Variants in LSM3 observed in about 807,000 individuals in gnomAD.
LSM3 encodes LSM3 homolog, U6 small nuclear RNA and mRNA degradation associated.
LSM3 carries 14 observed loss-of-function variants against 15.4 expected under a neutral mutation model. The observed-to-expected ratio is 0.91, with a 90% CI of 0.60 to 1.42. The LOEUF (loss-of-function observed/expected upper bound fraction) is 1.42, where lower values mean the gene tolerates loss of function less well. LSM3 is among the 40% of genes most tolerant of loss of function. The pLI is 0.00. For missense variants in LSM3, 88 were observed against 127.9 expected (o/e 0.69, Z 1.50); for synonymous variants, 46 against 45.1 (o/e 1.02, Z -0.08).
rs767203947 is a variant in LSM3 at position 14,181,740 on chromosome 3, C to G, written c.132+70C>G. The G allele has an allele frequency of 8.0e-6, 9 of 1,121,458 alleles. No individual in the cohort carries two copies. The African/African-American group carries it at 1.2e-4, about 15-fold the overall frequency. 69.5% of individuals were successfully genotyped at this position (1,121,458 alleles called of 1,614,324 possible). A position where few individuals can be genotyped will look rare whatever the true frequency, so the allele number is the denominator to read the frequency against. ...CCCCCACTCCCTTGAAATGTAAAAC[C>G]TGTCCAGAGTGAAAGGGTATTTTGA... On this transcript the variant is annotated intron_variant, in intron 2 of 3. Transcript: ENST00000306024.
At chr3:14,184,625 C>A (rs544544052) in intron 3 of LSM3, among the ~76,000 whole-genome samples, 11 of 150,584 alleles carry the variant, frequency 7.3e-5, no homozygotes, top group African/African-American at 2.7e-4. Flanking sequence ...GGCGTAGTGG[C>A]GGGCGCCTGT....
chr3:14,188,678 C>T (rs958911011), intron 3 of LSM3, among the ~76,000 whole-genome samples: 2 of 151,902 alleles, frequency 1.3e-5, no homozygotes, highest in African/African-American at 4.8e-5. Context: ...CTTGTGCTTT[C>T]GTTTTTAGCT....
At chr3:14,195,120 G>GT (rs1697176840) in intron 3 of LSM3, among the ~76,000 whole-genome samples, 2 of 152,202 alleles carry the variant, frequency 1.3e-5, no homozygotes, top group Admixed American at 1.3e-4. Context: ...AGTCATTCAG[G>GT]AACCCAGACT....
intron 1 of LSM3, 136 bp downstream of exon 1, chr3:14,179,017 C>T (rs3731054): frequency 1.2e-5 from 11 of 934,352 alleles, no homozygotes; most frequent in African/African-American, 6.6e-5. Context: ...TTTCCGTAAC[C>T]CCCCCTCCGA....
intron 1 of LSM3, among the ~76,000 whole-genome samples, chr3:14,180,583 C>T (rs979557234): frequency 3.9e-5 from 6 of 152,176 alleles, no homozygotes; most frequent in Admixed American, 6.5e-5. Flanking sequence ...CCACCACGCC[C>T]GGCCAATAGG....
At chr3:14,184,091 C>G in intron 3 of LSM3, 59 bp downstream of exon 3, 2 of 1,526,590 alleles carry the variant, frequency 1.3e-6, no homozygotes, top group South Asian at 2.6e-5. Context: ...TCTCGAACAG[C>G]TTAACCCATA....
chr3:14,179,221 C>T (rs1696983457), intron 1 of LSM3, among the ~76,000 whole-genome samples: 1 of 152,184 alleles, frequency 6.6e-6, no homozygotes, highest in South Asian at 2.1e-4. Context: ...ATTATTTATT[C>T]ATTCAGCAGA....
Position 14,194,759 on chromosome 3 carries a change from T to C in LSM3, c.229-3277T>C, listed in dbSNP as rs1052078079. Reference sequence around the variant, plus strand: ...GAAAATTTAATACTTTTCTCTGATATTGAGTTTATAGCATCCTTTTTTTTT... The same window carrying C: ...GAAAATTTAATACTTTTCTCTGATACTGAGTTTATAGCATCCTTTTTTTTT... On this transcript the variant is annotated intron_variant, in intron 3 of 3. Transcript: ENST00000306024. Among the ~76,000 whole-genome samples the C allele has an allele frequency of 8.0e-5, 12 of 149,126 alleles. No homozygotes were observed. In the East Asian group the frequency reaches 2.3e-3, roughly 28 times the overall value.
chr3:14,198,081 G>C lies in LSM3; in HGVS notation c.274G>C (p.Val92Leu). The stretch of plus-strand genomic sequence containing the variant: ...AATGCTCTTTGTCCGGGGAGATGGC[G>C]TTGTCCTGGTTGCCCCTCCACTGAG... ...IPMLFVRGDGVVLVAPPLRVG is the reference protein window; with the variant it reads ...IPMLFVRGDGLVLVAPPLRVG Residue 92 changes from valine (V) to leucine (L), a missense_variant, in exon 4 of 4, where the codon GTT (valine) becomes CTT (leucine). Transcript: ENST00000306024. The C allele has an allele frequency of 6.2e-7, 1 of 1,613,596 alleles. No homozygotes were observed. The highest frequency in any genetic ancestry group is 1.1e-5 in the South Asian group (1 of 91,056).
rs1164090236 is a variant in LSM3, at chr3:14,180,821, C to CTTTT, written c.22-706_22-703dup. Among the ~76,000 whole-genome samples, 67 of 46,716 alleles carry CTTTT rather than the reference C, an allele frequency of 1.4e-3. 6 individuals carry two copies. The East Asian group carries it at 0.018, about 12-fold the overall frequency. The allele number at this position is 46,716 out of a possible 152,430, so 30.6% of individuals were successfully genotyped here. A position where few individuals can be genotyped will look rare whatever the true frequency, so the allele number is the denominator to read the frequency against. ...GACTCCAAAGCCAGTGCTTGCTTGC[C>CTTTT]TTTTTTTTTTTTTTTTTTTTTTTTT... On this transcript the variant is annotated intron_variant, in intron 1 of 3. Transcript: ENST00000306024.
chr3:14,184,139 G>A (rs1697064910), intron 3 of LSM3, 107 bp downstream of exon 3: 1 of 1,366,286 alleles, frequency 7.3e-7, no homozygotes, highest in Non-Finnish European at 9.6e-7. Context: ...ACCTACTTAT[G>A]GACTCAGTAG....
At chr3:14,187,514 A>G (rs1697099928) in intron 3 of LSM3, among the ~76,000 whole-genome samples, 1 of 152,240 alleles carries the variant, frequency 6.6e-6, no homozygotes, top group African/African-American at 2.4e-5. Context: ...AAGCAAAGAC[A>G]GTGATATTAT....
chr3:14,194,775 C>CTTTTTTT (rs145805608), intron 3 of LSM3, among the ~76,000 whole-genome samples: 1 of 88,776 alleles, frequency 1.1e-5, no homozygotes, highest in East Asian at 4.4e-4. Context: ...TTATAGCATC[C>CTTTTTTT]TTTTTTTTTT....
chr3:14,193,785 C>G (rs2607744), intron 3 of LSM3, among the ~76,000 whole-genome samples: 64,045 of 151,974 alleles, frequency 0.42, 14,071 homozygotes, highest in Non-Finnish European at 0.48. Flanking sequence ...TTTTTCAGTT[C>G]ATCAGACTCA....
rs1697205118 is a variant in LSM3, at chr3:14,198,376, T to G, written c.*260T>G. ...TTTCAGGACTTCTTTTGCTCCATTA[T>G]TCTCACAGATACTTACTGATTTTTC... On this transcript the variant is annotated 3_prime_UTR_variant, in exon 4 of 4. Transcript: ENST00000306024. 2 of 472,306 alleles carry G rather than the reference T, an allele frequency of 4.2e-6. No individual in the cohort carries two copies. Among genetic ancestry groups the G allele is most frequent in the South Asian group, 6.5e-5 (2 of 30,884 alleles). 29.3% of individuals were successfully genotyped at this position (472,306 alleles called of 1,614,324 possible). A position where few individuals can be genotyped will look rare whatever the true frequency, so the allele number is the denominator to read the frequency against.
chr3:14,195,172 G>A (rs565625723), intron 3 of LSM3, among the ~76,000 whole-genome samples: 4 of 152,180 alleles, frequency 2.6e-5, no homozygotes, highest in African/African-American at 7.2e-5. Context: ...GTCTTTTGTC[G>A]TCATTTCACA....
intron 1 of LSM3, 67 bp downstream of exon 1, chr3:14,178,948 G>C (rs1265049431): frequency 1.9e-6 from 3 of 1,563,230 alleles, no homozygotes; most frequent in Non-Finnish European, 1.8e-6. Context: ...CCAGACTCAG[G>C]AAAAATGGCC....
At chr3:14,180,821 CTTT>C (rs1164090236) in intron 1 of LSM3, among the ~76,000 whole-genome samples, 17 of 46,770 alleles carry the variant, frequency 3.6e-4, no homozygotes, top group Admixed American at 9.2e-4. Flanking sequence ...GCTTGCTTGC[CTTT>C]TTTTTTTTTT....
intron 2 of LSM3, among the ~76,000 whole-genome samples, chr3:14,182,010 T>G (rs1697043943): frequency 6.6e-6 from 1 of 152,114 alleles, no homozygotes; most frequent in Admixed American, 6.5e-5. Context: ...CAAAAATATA[T>G]AGAGTAAAAA....
Sources: allele counts gnomAD v4.1 joint callset (sites outside exome capture counted in the v4.1 genomes callset), GRCh38; gene constraint gnomAD v4.1.1; transcripts MANE v1.5; gene names NCBI Gene and HGNC (gene_info 2026-07-23, HGNC 2026-07-21).